ATP10D: variants seen among roughly 807,000 people sequenced by gnomAD.
ATP10D encodes the protein ATPase phospholipid transporting 10D (putative), also known as phospholipid-transporting ATPase VD.
A neutral mutation model predicts 144.8 loss-of-function variants in ATP10D; 89 were observed. The observed-to-expected ratio is 0.61, with a 90% CI of 0.52 to 0.73. The LOEUF (loss-of-function observed/expected upper bound fraction) is 0.73, where lower values mean the gene tolerates loss of function less well. Among genes scored for constraint, ATP10D ranks in the 30% least tolerant of loss-of-function variants. The pLI, the probability that ATP10D is intolerant of heterozygous loss-of-function variation, is 0.00. For synonymous variants in ATP10D, 571 were observed against 615.1 expected (o/e 0.93, Z 1.06); for missense variants, 1,603 against 1,714.8 (o/e 0.93, Z 1.15).
chr4:47,538,617 G>A (rs1015298333), intron 9 of ATP10D, among the ~76,000 whole-genome samples: 13 of 152,156 alleles, frequency 8.5e-5, no homozygotes, highest in African/African-American at 3.1e-4. Flanking sequence ...TCTCCCACCA[G>A]GTTGAAATAG....
chr4:47,491,670 A>T (rs867726584), intron 1 of ATP10D, among the ~76,000 whole-genome samples: 3 of 152,180 alleles, frequency 2.0e-5, no homozygotes, highest in African/African-American at 7.2e-5. Context: ...AACTGCTGCC[A>T]TATTGAACTA....
chr4:47,559,459 C>T (rs527256734), intron 13 of ATP10D, among the ~76,000 whole-genome samples: 62 of 152,058 alleles, frequency 4.1e-4, no homozygotes, highest in South Asian at 8.3e-4. Context: ...CTTATGTGCC[C>T]GTAAGTATTT....
chr4:47,578,690 C>T (rs996772846), intron 19 of ATP10D, among the ~76,000 whole-genome samples: 3 of 152,184 alleles, frequency 2.0e-5, no homozygotes, highest in African/African-American at 4.8e-5. Context: ...GGCACATTCT[C>T]TTCCACCATT....
intron 9 of ATP10D, 139 bp from the exon 10 acceptor site, chr4:47,546,485 C>A: frequency 1.4e-6 from 1 of 736,242 alleles, no homozygotes; most frequent in Non-Finnish European, 2.4e-6. Context: ...TTGACCAAGG[C>A]TATGGGAGGT....
intron 2 of ATP10D, among the ~76,000 whole-genome samples, chr4:47,513,572 G>T (rs962223025): frequency 1.3e-4 from 20 of 152,280 alleles, no homozygotes; most frequent in African/African-American, 4.8e-4. Context: ...AGAGGTGTGA[G>T]CAAAGCATAT....
chr4:47,563,451 C>T (rs1719427543), intron 14 of ATP10D, 130 bp from the exon 15 acceptor site: 29 of 734,498 alleles, frequency 3.9e-5, no homozygotes, highest in Non-Finnish European at 5.9e-5. Context: ...CTTTGACTCT[C>T]CTGAGCAGCT....
intron 7 of ATP10D, 44 bp downstream of exon 7, chr4:47,536,077 A>G (rs1717833132): frequency 6.4e-7 from 1 of 1,570,594 alleles, no homozygotes; most frequent in African/African-American, 1.4e-5. Context: ...TCAGCAAGAT[A>G]TTAAAGTATT....
At chr4:47,514,903 T>C (rs1716549785) in intron 2 of ATP10D, among the ~76,000 whole-genome samples, 1 of 152,078 alleles carries the variant, frequency 6.6e-6, no homozygotes, top group Non-Finnish European at 1.5e-5. Flanking sequence ...CTTTTTTCTA[T>C]TTTTTTATTG....
At chr4:47,505,690 C>A (rs974481720) in intron 1 of ATP10D, among the ~76,000 whole-genome samples, 1 of 151,454 alleles carries the variant, frequency 6.6e-6, no homozygotes, top group Non-Finnish European at 1.5e-5. Flanking sequence ...GAGCTGAGAT[C>A]GAGCCACCCC....
chr4:47,532,694 C>A (rs909913580), intron 5 of ATP10D, among the ~76,000 whole-genome samples: 1 of 152,172 alleles, frequency 6.6e-6, no homozygotes, highest in Non-Finnish European at 1.5e-5. Context: ...GTCTATATGA[C>A]ACCTTCTTTG....
At chr4:47,534,436 C>G (rs1717723686) in intron 5 of ATP10D, among the ~76,000 whole-genome samples, 1 of 152,156 alleles carries the variant, frequency 6.6e-6, no homozygotes, top group Admixed American at 6.6e-5. Flanking sequence ...AAAGGCTTCA[C>G]AGATCCTCTG....
chr4:47,580,281 CA>C, intron 19 of ATP10D, 116 bp from the exon 20 acceptor site: 1 of 820,650 alleles, frequency 1.2e-6, no homozygotes, highest in Admixed American at 1.9e-5. Flanking sequence ...TGACAAATAC[CA>C]CTTGAAGAAA....
intron 4 of ATP10D, among the ~76,000 whole-genome samples, 161 bp downstream of exon 4, chr4:47,523,377 T>C (rs986015236): frequency 3.9e-5 from 6 of 152,192 alleles, no homozygotes; most frequent in South Asian, 2.1e-4. Context: ...AGTGGAAGTA[T>C]ACTCTTTTCT....
intron 19 of ATP10D, among the ~76,000 whole-genome samples, chr4:47,578,044 C>T (rs946956312): frequency 5.3e-5 from 8 of 152,156 alleles, no homozygotes; most frequent in Admixed American, 4.6e-4. Flanking sequence ...CCTTGGGAGA[C>T]GTGAGATCAT....
chr4:47,533,193 G>A (rs543767607), intron 5 of ATP10D, among the ~76,000 whole-genome samples: 299 of 148,024 alleles, frequency 2.0e-3, no homozygotes, highest in African/African-American at 7.0e-3. Context: ...AAGGACTCTA[G>A]GGATAAGAAA....
intron 19 of ATP10D, among the ~76,000 whole-genome samples, chr4:47,579,802 G>A (rs1476641312): frequency 6.6e-6 from 1 of 152,218 alleles, no homozygotes; most frequent in Non-Finnish European, 1.5e-5. Context: ...AGTGGAAGGA[G>A]TCAATTTGAT....
rs143693558 is a variant in ATP10D at position 47,540,393 on chromosome 4, C to T, written c.1396+3455C>T. Among the ~76,000 whole-genome samples the T allele has an allele frequency of 3.1e-3, 473 of 152,272 alleles. 4 individuals are homozygous for T. The highest frequency in any genetic ancestry group is 0.011 in the African/African-American group (460 of 41,548). On this transcript the variant is annotated intron_variant, in intron 9 of 22. Coordinates refer to ENST00000273859, the MANE Select transcript of ATP10D (RefSeq NM_020453.4). ...CCATGTACTGGCAGCATCAGCAACA[C>T]CCGGGCATGCTTTTAAATTGCAGAA...
At chr4:47,588,160 C>T (rs1261070386) in intron 22 of ATP10D, among the ~76,000 whole-genome samples, 1 of 152,142 alleles carries the variant, frequency 6.6e-6, no homozygotes, top group Non-Finnish European at 1.5e-5. Flanking sequence ...AGTTCAGTTA[C>T]TCCCCCAGTT....
At chr4:47,535,682 C>A in intron 6 of ATP10D, 67 bp downstream of exon 6, 1 of 1,487,678 alleles carries the variant, frequency 6.7e-7, no homozygotes, top group Non-Finnish European at 9.1e-7. Context: ...TTTTCATTTA[C>A]TCAAAAATGC....
Sources: allele counts gnomAD v4.1 joint callset (sites outside exome capture counted in the v4.1 genomes callset), GRCh38; gene constraint gnomAD v4.1.1; transcripts MANE v1.5; gene names NCBI Gene and HGNC (gene_info 2026-07-23, HGNC 2026-07-21).